ITIH6: variants seen among roughly 807,000 people sequenced by gnomAD.
ITIH6 encodes inter-alpha-trypsin inhibitor heavy chain family member 6.
In ITIH6, 60 loss-of-function variants were observed where a neutral mutation model predicts 58.2. The ratio of observed to expected loss-of-function variants is 1.03; its 90% CI spans 0.84 to 1.28. The LOEUF is 1.28. ITIH6 is among the 50% of genes most tolerant of loss of function. The pLI is 0.00. For synonymous variants in ITIH6, 493 were observed against 417.4 expected, an observed-to-expected ratio of 1.18 and a Z score of -2.21; for missense variants, 1,290 against 1,021.1, an observed-to-expected ratio of 1.26 and a Z score of -3.59.
At chrX:54,793,043 C>T (rs1833444291) in intron 2 of ITIH6, among the ~76,000 whole-genome samples, 1 of 111,195 alleles carries the variant, frequency 9.0e-6, no homozygotes, top group Non-Finnish European at 1.9e-5. Flanking sequence ...AGCACCATGG[C>T]CTTAAATACC....
At position 54,758,551 on chromosome X, in the gene ITIH6, T is replaced by G. The variant is rs763547491; in HGVS notation, c.1523A>C (p.Gln508Pro). Residue 508 changes from glutamine (Q) to proline (P), a missense_variant, in exon 8 of 13, where the codon CAG becomes CCG. By Grantham distance (76) the Gln-to-Pro change is moderately conservative. Transcript: ENST00000218436. ...CAGTTCCTGTTTGCCTGGCTGCACC[T>G]GTCCTGCCACCACCAGCTCAGAGCC... ...FGGSELVVAG[Q>P]VQPGKQELGI... The G allele has an allele frequency of 8.3e-7, 1 of 1,211,169 alleles. No individual in the cohort carries two copies. Among genetic ancestry groups the G allele is most frequent in the Non-Finnish European group, 1.1e-6 (1 of 895,235 alleles).
chrX:54,770,869 C>T (rs1344732412), intron 6 of ITIH6, among the ~76,000 whole-genome samples: 1 of 112,147 alleles, frequency 8.9e-6, no homozygotes, highest in Non-Finnish European at 1.9e-5. Context: ...CTTCTTTTAA[C>T]ATTTCTTGCA....
At chrX:54,780,090 A>G (rs1929123084) in intron 5 of ITIH6, among the ~76,000 whole-genome samples, 1 of 111,336 alleles carries the variant, frequency 9.0e-6, no homozygotes, top group Admixed American at 9.5e-5. Context: ...AGTCCTCAAG[A>G]CCCCACATTT....
intron 6 of ITIH6, among the ~76,000 whole-genome samples, chrX:54,769,962 G>T (rs1189505160): frequency 9.2e-6 from 1 of 109,279 alleles, no homozygotes; most frequent in Non-Finnish European, 1.9e-5. Context: ...GCAATGGCGG[G>T]CGCCCCTCCC....
chrX:54,785,950 C>T (rs993545918), intron 5 of ITIH6, among the ~76,000 whole-genome samples: 7 of 111,189 alleles, frequency 6.3e-5, no homozygotes, highest in African/African-American at 2.3e-4. Flanking sequence ...CCACAGAACC[C>T]CTATCAATCA....
intron 6 of ITIH6, among the ~76,000 whole-genome samples, chrX:54,764,866 A>G (rs1195273375): frequency 2.0e-5 from 2 of 102,365 alleles, no homozygotes; most frequent in South Asian, 4.8e-4. Context: ...ACTAGTTTCC[A>G]GTCCCACCAA....
rs147162001 is a variant in ITIH6, at chrX:54,756,998, C to A, written c.3076G>T (p.Ala1026Ser). Residue 1026 changes from alanine to serine, a missense_variant, in exon 8 of 13, where the codon GCT becomes TCT. Physicochemically the swap from Ala to Ser is moderately conservative, Grantham distance 99. Transcript: ENST00000218436. ...SKFVESLNPP[A>S]FYTFLTPDED... is the part of the protein sequence containing the mutation. ...TCAGGAGTGAGGAAGGTATAGAAAG[C>A]TGGTGGGTTCAAGGACTCCACGAAC... The A allele has an allele frequency of 1.1e-4, 127 of 1,199,042 alleles. No individual in the cohort carries two copies. The African/African-American group carries it at 2.0e-3, about 19-fold the overall frequency.
chrX:54,768,353 A>C (rs1368639012), intron 6 of ITIH6, among the ~76,000 whole-genome samples: 3 of 85,349 alleles, frequency 3.5e-5, no homozygotes, highest in Non-Finnish European at 6.6e-5. Flanking sequence ...CCAACTTGCC[A>C]GTCTGTGTCT....
intron 9 of ITIH6, 33 bp from the exon 10 acceptor site, chrX:54,753,998 G>T: frequency 5.9e-6 from 7 of 1,184,146 alleles, no homozygotes; most frequent in Non-Finnish European, 6.9e-6. Flanking sequence ...GTTGGGAAGG[G>T]ACTAATGTAT....
intron 2 of ITIH6, among the ~76,000 whole-genome samples, chrX:54,792,522 A>T (rs999561141): frequency 4.5e-5 from 5 of 112,109 alleles, no homozygotes; most frequent in African/African-American, 1.6e-4. Flanking sequence ...TATTGAAAAA[A>T]TATATTGGGT....
intron 6 of ITIH6, among the ~76,000 whole-genome samples, chrX:54,773,307 G>A (rs1411886872): frequency 1.9e-4 from 21 of 111,488 alleles, no homozygotes; most frequent in Middle Eastern, 9.2e-3. Flanking sequence ...AGGCTAGAAA[G>A]GGCTGGATTT....
Position 54,757,224 on chromosome X carries a change from G to A in ITIH6, c.2850C>T (p.Pro950=). The change falls in exon 8 of 13, where the codon CCC becomes CCT. Residue 950 remains proline, a synonymous_variant. Coordinates refer to ENST00000218436, the MANE Select transcript of ITIH6 (RefSeq NM_198510.3). ...GTCCCAGAACTTGCCTGGTCCTCTG[G>A]GGACCCGGGAGGAGGTCATACTGAT... is the stretch of plus-strand genomic sequence containing the variant. The part of the protein sequence containing the change: ...FWHQYDLLPG[P]QRTRQVLGPS... The A allele has an allele frequency of 8.4e-7, 1 of 1,197,508 alleles. No individual in the cohort carries two copies. The highest frequency in any genetic ancestry group is 1.1e-6 in the Non-Finnish European group (1 of 887,607).
intron 5 of ITIH6, among the ~76,000 whole-genome samples, chrX:54,782,983 G>T (rs1265943553): frequency 8.9e-6 from 1 of 111,933 alleles, no homozygotes; most frequent in African/African-American, 3.3e-5. Flanking sequence ...ACACTCAAAA[G>T]ATCATTATGA....
At chrX:54,791,822 C>T in intron 3 of ITIH6, 104 bp downstream of exon 3, 1 of 478,465 alleles carries the variant, frequency 2.1e-6, no homozygotes, top group Non-Finnish European at 3.7e-6. Flanking sequence ...AGGTCATGTC[C>T]CCACTCTGCA....
intron 2 of ITIH6, among the ~76,000 whole-genome samples, chrX:54,792,372 A>G (rs1929366185): frequency 8.9e-6 from 1 of 111,813 alleles, no homozygotes; most frequent in Non-Finnish European, 1.9e-5. Context: ...TTTAGGTACG[A>G]TATAACCGAA....
Position 54,758,798 on chromosome X carries a change from T to A in ITIH6, c.1276A>T (p.Ser426Cys), listed in dbSNP as rs1422494839. 6.6e-6 allele frequency: 8 copies of A among 1,209,654 alleles called. No individual in the cohort carries two copies. The highest frequency in any genetic ancestry group is 8.9e-6 in the Non-Finnish European group (8 of 894,143). The change falls in exon 8 of 13, where the codon AGC becomes TGC. Residue 426 changes from serine (S) to cysteine (C), a missense_variant. Transcript: ENST00000218436. Reference sequence around the variant, plus strand: ...TCAGCATCATCCCCAAAGGCCAAGCTGAAAAGGGATACCCTGTGGCCTAGC... The same window carrying A: ...TCAGCATCATCCCCAAAGGCCAAGCAGAAAAGGGATACCCTGTGGCCTAGC... ...QALGHRVSLFSLAFGDDADFT... is the reference protein window; with the variant it reads ...QALGHRVSLFCLAFGDDADFT...
chrX:54,778,440 C>T (rs1388628119), intron 5 of ITIH6, among the ~76,000 whole-genome samples: 2 of 111,362 alleles, frequency 1.8e-5, no homozygotes, highest in Non-Finnish European at 3.8e-5. Flanking sequence ...AGTGGTCCAC[C>T]CGTCTCAGCA....
At chrX:54,774,018 C>T (rs372873108) in intron 6 of ITIH6, 63 bp downstream of exon 6, 61 of 668,626 alleles carry the variant, frequency 9.1e-5, no homozygotes, top group Admixed American at 2.3e-4. Flanking sequence ...ATTGTTACCA[C>T]GCTCTCTGCT....
rs772590358 is a variant in ITIH6 at position 54,792,379 on chromosome X, C to T, written c.258-343G>A. Among the ~76,000 whole-genome samples the T allele has an allele frequency of 1.0e-3, 115 of 111,330 alleles. 1 individual carries two copies. The highest frequency in any genetic ancestry group is 3.6e-3 in the African/African-American group (109 of 30,660). ...AGCATAATTTTAGGTACGATATAAC[C>T]GAATATTTTTATTATAATTGTTATG... On this transcript the variant is annotated intron_variant, in intron 2 of 12. Transcript: ENST00000218436.
Sources: gnomAD v4.1 joint callset for allele counts (sites outside exome capture counted in the v4.1 genomes callset) on GRCh38, gnomAD v4.1.1 for gene constraint, MANE v1.5 for transcripts, NCBI Gene and HGNC (gene_info 2026-07-23, HGNC 2026-07-21) for gene names.